Variants in CTNNA3 observed in about 807,000 individuals in gnomAD.
The protein encoded by CTNNA3 is catenin alpha-3.
In CTNNA3, 76 loss-of-function variants were observed where a neutral mutation model predicts 95.7. The observed-to-expected ratio is 0.79, with a 90% confidence interval of 0.66 to 0.96. The LOEUF (loss-of-function observed/expected upper bound fraction) is 0.96. Ranked by LOEUF, CTNNA3 falls within the 40% of genes least tolerant of loss-of-function variation. The pLI is 0.00. For missense variants in CTNNA3, 1,191 were observed against 1,089.8 expected (o/e 1.09, Z -1.31); for synonymous variants, 431 against 374.4 (o/e 1.15, Z -1.74).
intron 5 of CTNNA3, among the ~76,000 whole-genome samples, chr10:67,273,690 G>A (rs1045550171): frequency 6.6e-6 from 1 of 152,172 alleles, no homozygotes; most frequent in African/African-American, 2.4e-5. Flanking sequence ...AAAAAATAGA[G>A]AAATGTATAA....
At chr10:66,912,754 T>C (rs1206361493) in intron 7 of CTNNA3, among the ~76,000 whole-genome samples, 2 of 152,222 alleles carry the variant, frequency 1.3e-5, no homozygotes, top group East Asian at 3.9e-4. Flanking sequence ...AAAAGGAGGA[T>C]GTGGGAGAAA....
intron 13 of CTNNA3, among the ~76,000 whole-genome samples, chr10:66,172,000 T>A (rs1210054563): frequency 6.6e-6 from 1 of 152,146 alleles, no homozygotes; most frequent in Non-Finnish European, 1.5e-5. Context: ...AGGAACAAAA[T>A]CAGGTGGCAA....
chr10:66,779,603 T>A (rs1449813141), intron 7 of CTNNA3, among the ~76,000 whole-genome samples: 1 of 152,130 alleles, frequency 6.6e-6, no homozygotes, highest in Non-Finnish European at 1.5e-5. Flanking sequence ...CCTCAGGTGA[T>A]CCTCCTGCCT....
chr10:67,010,002 G>A (rs982331474), intron 7 of CTNNA3, among the ~76,000 whole-genome samples: 2 of 152,086 alleles, frequency 1.3e-5, no homozygotes, highest in African/African-American at 4.8e-5. Flanking sequence ...CTGTCCTGGA[G>A]GCTTTAGGGA....
chr10:66,228,489 T>C (rs1190977690), intron 13 of CTNNA3, among the ~76,000 whole-genome samples: 1 of 152,120 alleles, frequency 6.6e-6, no homozygotes, highest in Non-Finnish European at 1.5e-5. Flanking sequence ...CCTCTTGTTA[T>C]TAATTTCTAT....
At chr10:66,574,375 A>G (rs1842947732) in intron 10 of CTNNA3, among the ~76,000 whole-genome samples, 1 of 152,146 alleles carries the variant, frequency 6.6e-6, no homozygotes, top group Non-Finnish European at 1.5e-5. Flanking sequence ...AGGTTCTACC[A>G]TGTTTTTGTA....
At position 66,163,973 on chromosome 10, in the gene CTNNA3, T is replaced by C. The variant is rs1283704675; in HGVS notation, c.1885-60724A>G. Reference sequence around the variant, plus strand: ...ATTTTTGTGTTGGTACATATTTGAGTAACATTGTAATGAAAACAATTAAAA... The same window carrying C: ...ATTTTTGTGTTGGTACATATTTGAGCAACATTGTAATGAAAACAATTAAAA... On this transcript the variant is annotated intron_variant, in intron 13 of 17. Transcript: ENST00000433211. Among the ~76,000 whole-genome samples, 7 of 152,116 alleles carry C rather than the reference T, an allele frequency of 4.6e-5. No homozygotes were observed. In the East Asian group the frequency reaches 1.4e-3, roughly 29 times the overall value.
chr10:66,783,367 T>C (rs1840614303), intron 7 of CTNNA3, among the ~76,000 whole-genome samples: 1 of 152,156 alleles, frequency 6.6e-6, no homozygotes, highest in African/African-American at 2.4e-5. Context: ...TCATAAATCC[T>C]TCAATATCAA....
intron 7 of CTNNA3, among the ~76,000 whole-genome samples, chr10:66,872,182 A>AT (rs1251403836): frequency 6.6e-6 from 1 of 152,126 alleles, no homozygotes; most frequent in African/African-American, 2.4e-5. Flanking sequence ...GAAGCAATTT[A>AT]TTTTTTGTTT....
intron 11 of CTNNA3, among the ~76,000 whole-genome samples, chr10:66,411,751 T>C (rs1019923551): frequency 2.0e-5 from 3 of 152,070 alleles, no homozygotes; most frequent in Non-Finnish European, 2.9e-5. Flanking sequence ...ACAACAAACA[T>C]GGTGGAGTTC....
intron 11 of CTNNA3, among the ~76,000 whole-genome samples, chr10:66,446,734 A>T (rs1314651381): frequency 6.6e-6 from 1 of 152,294 alleles, no homozygotes; most frequent in East Asian, 1.9e-4. Flanking sequence ...AATGGGCAAA[A>T]TCTGGAAGCA....
chr10:66,464,443 T>C (rs1240635480), intron 11 of CTNNA3, among the ~76,000 whole-genome samples: 4 of 152,024 alleles, frequency 2.6e-5, no homozygotes, highest in African/African-American at 4.8e-5. Flanking sequence ...TCTCAGGCAG[T>C]TACAAAATCA....
intron 7 of CTNNA3, among the ~76,000 whole-genome samples, chr10:67,082,865 G>A (rs1857119632): frequency 1.3e-5 from 2 of 152,142 alleles, no homozygotes; most frequent in African/African-American, 2.4e-5. Flanking sequence ...ACAATATTAT[G>A]AGTCAAGCAA....
At chr10:67,329,580 A>G (rs1459754978) in intron 5 of CTNNA3, among the ~76,000 whole-genome samples, 1 of 152,212 alleles carries the variant, frequency 6.6e-6, no homozygotes, top group African/African-American at 2.4e-5. Context: ...ATGATTTTGA[A>G]TGTAGAATAT....
chr10:67,685,173 C>A (rs749841512), intron 1 of CTNNA3, among the ~76,000 whole-genome samples: 5 of 151,520 alleles, frequency 3.3e-5, no homozygotes, highest in Non-Finnish European at 7.4e-5. Context: ...CATGTTACTC[C>A]GTTAACTTTT....
chr10:67,368,517 T>C (rs953723494), intron 5 of CTNNA3, among the ~76,000 whole-genome samples: 1 of 152,188 alleles, frequency 6.6e-6, no homozygotes, highest in Non-Finnish European at 1.5e-5. Context: ...AGATATTTGC[T>C]CAAGATAAAT....
chr10:66,308,208 A>G (rs2091957558), intron 12 of CTNNA3, among the ~76,000 whole-genome samples: 1 of 152,220 alleles, frequency 6.6e-6, no homozygotes, highest in Non-Finnish European at 1.5e-5. Flanking sequence ...AAAAATAGCC[A>G]GGCCTTGAAG....
At chr10:66,712,710 T>C (rs1177619022) in intron 9 of CTNNA3, among the ~76,000 whole-genome samples, 1 of 152,128 alleles carries the variant, frequency 6.6e-6, no homozygotes, top group Non-Finnish European at 1.5e-5. Flanking sequence ...AGCTCTATAG[T>C]AGCATAAGAA....
chr10:66,685,199 A>G (rs1847214819), intron 9 of CTNNA3, among the ~76,000 whole-genome samples: 2 of 42,218 alleles, frequency 4.7e-5, no homozygotes, highest in South Asian at 1.7e-3. Flanking sequence ...ACGTGTATAT[A>G]TATATACGTA....
Sources: allele counts gnomAD v4.1 joint callset (sites outside exome capture counted in the v4.1 genomes callset), GRCh38; gene constraint gnomAD v4.1.1; transcripts MANE v1.5; gene names NCBI Gene and HGNC (gene_info 2026-07-23, HGNC 2026-07-21).